The following CSMD3 variants were observed in gnomAD, a reference collection of about 807,000 sequenced individuals.
CSMD3 encodes the protein CUB and Sushi multiple domains 3.
A neutral mutation model predicts 435.2 loss-of-function variants in CSMD3; 177 were observed. The ratio of observed to expected loss-of-function variants is 0.41; its 90% confidence interval spans 0.36 to 0.46. The LOEUF is 0.46. Among genes scored for constraint, CSMD3 ranks in the 20% least tolerant of loss-of-function variants. The pLI is 0.34. For synonymous variants in CSMD3, 1,656 were observed against 1,520.5 expected (o/e 1.09, Z -2.07); for missense variants, 4,265 against 4,504.6 (o/e 0.95, Z 1.52).
At chr8:113,048,611 CT>C (rs2087945871) in intron 5 of CSMD3, among the ~76,000 whole-genome samples, 1 of 152,022 alleles carries the variant, frequency 6.6e-6, no homozygotes, top group African/African-American at 2.4e-5. Context: ...ACTTCTTAAA[CT>C]TTTATATAAT....
Position 112,224,947 on chromosome 8 carries a change from T to C in CSMD3, c.10965-17A>G, listed in dbSNP as rs771150306. On this transcript the variant is annotated splice_polypyrimidine_tract_variant and intron_variant, in intron 70 of 70. Transcript: ENST00000297405. ...GGTGCAGTCCTGTTGATGAGAACATTGATTAGCTATGTGTTAACTTTCTTC... is the reference window on the plus strand; with the variant it reads ...GGTGCAGTCCTGTTGATGAGAACATCGATTAGCTATGTGTTAACTTTCTTC... 18 of 1,611,562 alleles carry C rather than the reference T, an allele frequency of 1.1e-5. No individual in the cohort carries two copies. The highest frequency in any genetic ancestry group is 1.4e-5 in the Non-Finnish European group (17 of 1,177,682).
At chr8:113,292,251 TAA>T (rs2093691475) in intron 2 of CSMD3, among the ~76,000 whole-genome samples, 1 of 151,868 alleles carries the variant, frequency 6.6e-6, no homozygotes, top group East Asian at 1.9e-4. Flanking sequence ...AAAAAATTTA[TAA>T]GTTATTGAAT....
chr8:112,464,256 A>AG (rs1015393971), intron 32 of CSMD3, among the ~76,000 whole-genome samples: 1 of 151,188 alleles, frequency 6.6e-6, no homozygotes, highest in Non-Finnish European at 1.5e-5. Context: ...AAAAAAAAAA[A>AG]ATTGCCTTTG....
chr8:112,887,556 T>C (rs2081642374), intron 10 of CSMD3, among the ~76,000 whole-genome samples: 1 of 151,544 alleles, frequency 6.6e-6, no homozygotes, highest in Non-Finnish European at 1.5e-5. Context: ...TACCAATATT[T>C]AGACACCTTT....
At chr8:113,032,434 G>A (rs775516196) in intron 5 of CSMD3, among the ~76,000 whole-genome samples, 5 of 151,612 alleles carry the variant, frequency 3.3e-5, no homozygotes, top group Non-Finnish European at 2.9e-5. Flanking sequence ...GACTCTGGTG[G>A]TATTTTGCTT....
chr8:112,505,948 AATTT>A (rs1431512291), intron 29 of CSMD3, among the ~76,000 whole-genome samples: 2 of 152,106 alleles, frequency 1.3e-5, no homozygotes, highest in African/African-American at 2.4e-5. Flanking sequence ...CAACTAGAAT[AATTT>A]TATATGTAAA....
At chr8:112,396,524 T>C (rs1830875880) in intron 35 of CSMD3, among the ~76,000 whole-genome samples, 1 of 152,176 alleles carries the variant, frequency 6.6e-6, no homozygotes, top group Non-Finnish European at 1.5e-5. Context: ...AAGGAAACTA[T>C]GCAAGAGTAT....
intron 13 of CSMD3, among the ~76,000 whole-genome samples, chr8:112,716,476 A>G (rs1251196659): frequency 6.6e-6 from 1 of 152,216 alleles, no homozygotes; most frequent in Non-Finnish European, 1.5e-5. Context: ...AAGAATCAAT[A>G]GTGTGAAAAT....
intron 4 of CSMD3, among the ~76,000 whole-genome samples, chr8:113,130,882 C>T (rs531960466): frequency 2.0e-5 from 3 of 152,108 alleles, no homozygotes; most frequent in African/African-American, 7.2e-5. Flanking sequence ...TTTTTGGGAA[C>T]TGGAGCAAGG....
At chr8:112,381,158 T>C (rs1420863453) in intron 37 of CSMD3, among the ~76,000 whole-genome samples, 1 of 150,856 alleles carries the variant, frequency 6.6e-6, no homozygotes, top group Non-Finnish European at 1.5e-5. Flanking sequence ...GTTAGACAGC[T>C]AGATAGATAG....
intron 10 of CSMD3, among the ~76,000 whole-genome samples, chr8:112,875,753 T>C (rs1049902514): frequency 6.6e-6 from 1 of 152,160 alleles, no homozygotes; most frequent in African/African-American, 2.4e-5. Flanking sequence ...TCATGCTGTG[T>C]TTTTCAGCTT....
At chr8:112,775,722 C>T (rs1017097119) in intron 13 of CSMD3, among the ~76,000 whole-genome samples, 1 of 151,740 alleles carries the variant, frequency 6.6e-6, no homozygotes, top group Non-Finnish European at 1.5e-5. Flanking sequence ...TCTACTTAAC[C>T]CACTTTGCCA....
chr8:113,153,101 A>AAAGAAAGAAAGAAAG (rs35085690), intron 4 of CSMD3, among the ~76,000 whole-genome samples: 2,409 of 99,820 alleles, frequency 0.024, 93 homozygotes, highest in East Asian at 0.043. Flanking sequence ...AGAAAGAAAG[A>AAAGAAAGAAAGAAAG]AAAGAAAGAA....
intron 27 of CSMD3, among the ~76,000 whole-genome samples, chr8:112,520,493 G>A (rs1222271414): frequency 1.3e-5 from 2 of 151,884 alleles, no homozygotes; most frequent in African/African-American, 4.8e-5. Flanking sequence ...TATCCTACTA[G>A]TGGAACTCTG....
At position 112,685,406 on chromosome 8, in the gene CSMD3, T is replaced by C. The variant is rs2075988784; in HGVS notation, c.2482A>G (p.Thr828Ala). The C allele has an allele frequency of 6.2e-7, 1 of 1,607,962 alleles. No homozygotes were observed. Among genetic ancestry groups the C allele is most frequent in the Non-Finnish European group, 8.5e-7 (1 of 1,174,762 alleles). ...SGRGFNITYN[T>A]FGHNECPDPG... ...GAAAAAAACAGAAACAGAAACTTAC[T>C]GTTGTAAGTGATGTTAAAGCCACGT... The change falls in exon 15 of 71, where the codon ACA becomes GCA. Residue 828 changes from threonine (T) to alanine (A), a missense_variant and splice_region_variant. Transcript: ENST00000297405.
intron 49 of CSMD3, among the ~76,000 whole-genome samples, chr8:112,313,055 GTGATTTAGAATGGTCTCTGACA>G (rs1473468207): frequency 6.6e-6 from 1 of 152,092 alleles, no homozygotes; most frequent in Non-Finnish European, 1.5e-5. Context: ...GGTCTCTGAC[GTGATTTAGAATGGTCTCTGACA>G]TGATTTAGAA....
chr8:113,148,182 G>A (rs1482015412), intron 4 of CSMD3, among the ~76,000 whole-genome samples: 1 of 151,568 alleles, frequency 6.6e-6, no homozygotes, highest in Non-Finnish European at 1.5e-5. Context: ...TATTCCAAAT[G>A]TGCCAGATAT....
At chr8:112,277,380 C>T (rs1818170597) in intron 59 of CSMD3, among the ~76,000 whole-genome samples, 1 of 152,168 alleles carries the variant, frequency 6.6e-6, no homozygotes, top group African/African-American at 2.4e-5. Flanking sequence ...ACCTTTACTC[C>T]AGTTTCCAAC....
At chr8:112,634,517 G>A (rs182413805) in intron 22 of CSMD3, among the ~76,000 whole-genome samples, 21 of 152,070 alleles carry the variant, frequency 1.4e-4, no homozygotes, top group Admixed American at 2.6e-4. Flanking sequence ...TTGAAAATGG[G>A]TAGGGGGGAA....
Sources: allele counts gnomAD v4.1 joint callset (sites outside exome capture counted in the v4.1 genomes callset), GRCh38; gene constraint gnomAD v4.1.1; transcripts MANE v1.5; gene names NCBI Gene and HGNC (gene_info 2026-07-23, HGNC 2026-07-21).